The following DOCK1 variants were observed in gnomAD, a reference collection of about 807,000 sequenced individuals.
The protein encoded by DOCK1 is dedicator of cytokinesis 1.
In DOCK1, 138 loss-of-function variants were observed where a neutral mutation model predicts 262.7. The observed-to-expected ratio is 0.53, with a 90% confidence interval of 0.46 to 0.61. The LOEUF (loss-of-function observed/expected upper bound fraction) is 0.61. DOCK1 is among the 20% of genes least tolerant of loss of function. The probability of loss-of-function intolerance (pLI) is 0.00; values close to 1 mark genes in which losing one functional copy is unlikely to be tolerated. For missense variants in DOCK1, 1,908 were observed against 2,370.7 expected, an observed-to-expected ratio of 0.80 and a Z score of 4.05; for synonymous variants, 866 against 867.4, an observed-to-expected ratio of 1.00 and a Z score of 0.03.
At chr10:126,994,851 G>T (rs191663530) in intron 6 of DOCK1, among the ~76,000 whole-genome samples, 252 of 152,328 alleles carry the variant, frequency 1.7e-3, no homozygotes, top group Non-Finnish European at 2.7e-3. Flanking sequence ...CCCAGACGGG[G>T]TGGCCACCAG....
chr10:127,153,835 G>C, intron 27 of DOCK1: 2 of 1,582,986 alleles, frequency 1.3e-6, no homozygotes, highest in Non-Finnish European at 1.7e-6. Flanking sequence ...AGTGGGAAGA[G>C]GAGAATGTTA....
intron 5 of DOCK1, among the ~76,000 whole-genome samples, chr10:126,989,967 G>A (rs1018258201): frequency 6.6e-6 from 1 of 152,152 alleles, no homozygotes; most frequent in Non-Finnish European, 1.5e-5. Context: ...CTTCCCTATA[G>A]CTGAGCTGAG....
intron 28 of DOCK1, among the ~76,000 whole-genome samples, chr10:127,248,905 C>T (rs867694685): frequency 4.6e-5 from 7 of 152,104 alleles, no homozygotes; most frequent in African/African-American, 7.2e-5. Flanking sequence ...AATAAGAGTA[C>T]GAACGCTATT....
rs904417424 is a variant in DOCK1, at chr10:126,998,471, G to A, written c.767+222G>A. On this transcript the variant is annotated intron_variant, in intron 8 of 51. Coordinates refer to ENST00000623213, the MANE Select transcript of DOCK1 (RefSeq NM_001290223.2). ...CTTGCGTGTAGATTGCTATTTGCTC[G>A]TAGAGTTATAGCAGTTGCAGGTACA... is the stretch of plus-strand genomic sequence containing the variant. 4.5e-5 allele frequency: 23 copies of A among 509,384 alleles called. No individual in the cohort carries two copies. In the Middle Eastern group the frequency reaches 2.1e-3, roughly 47 times the overall value. The allele number at this position is 509,384 out of a possible 1,614,324, so 31.6% of individuals were successfully genotyped here. A position where few individuals can be genotyped will look rare whatever the true frequency, so the allele number is the denominator to read the frequency against.
At position 127,023,287 on chromosome 10, in the gene DOCK1, CG is replaced by C; in HGVS notation, c.1417del (p.Val473CysfsTer11). 6.2e-7 allele frequency: 1 copy of C among 1,613,844 alleles called. No homozygotes were observed. Among genetic ancestry groups the C allele is most frequent in the South Asian group, 1.1e-5 (1 of 91,044 alleles). ...ACAACAGCGAAGAACGTGGAGGTCA[CG>C]GTGTCTGTGTACGATGAGGATGGGA... is the stretch of plus-strand genomic sequence containing the variant. ...SKTTAKNVEVTVSVYDEDGKR... is the reference protein window; with the variant it reads ...SKTTAKNVEVXVSVYDEDGKR... On this transcript the variant is annotated frameshift_variant, in exon 14 of 52. Transcript: ENST00000623213. LOFTEE classifies it high-confidence loss of function.
At chr10:126,949,398 A>G (rs986444218) in intron 1 of DOCK1, among the ~76,000 whole-genome samples, 1 of 152,116 alleles carries the variant, frequency 6.6e-6, no homozygotes, top group Non-Finnish European at 1.5e-5. Flanking sequence ...GTGTCCCTTC[A>G]GCCCTGAGCC....
intron 47 of DOCK1, among the ~76,000 whole-genome samples, chr10:127,430,849 G>A (rs1398201232): frequency 1.3e-5 from 2 of 152,200 alleles, no homozygotes; most frequent in African/African-American, 4.8e-5. Context: ...GCTGGCTCAA[G>A]GTGGGACGTT....
chr10:127,052,910 C>G, intron 22 of DOCK1, 95 bp downstream of exon 22: 1 of 1,502,420 alleles, frequency 6.7e-7, no homozygotes, highest in South Asian at 1.3e-5. Flanking sequence ...CTTATTCTTT[C>G]CTTTCTTCTT....
chr10:127,136,064 G>A (rs1487626325), intron 27 of DOCK1: 1 of 152,502 alleles, frequency 6.6e-6, no homozygotes, highest in Admixed American at 6.5e-5. Flanking sequence ...TTGATATTCA[G>A]GGATTCGAAC....
chr10:127,418,411 C>T lies in DOCK1; in HGVS notation c.4562C>T (p.Thr1521Met), dbSNP rs557337834. Residue 1521 changes from threonine to methionine, a missense_variant, in exon 45 of 52, where the codon ACG becomes ATG. Around this residue, in one of 9 missense-constraint regions of DOCK1, gnomAD observed 57 missense variants for 103.1 expected, o/e 0.55. Coordinates refer to ENST00000623213, the MANE Select transcript of DOCK1 (RefSeq NM_001290223.2). Reference sequence around the variant, plus strand: ...AATGCCATTGAGACCATGCAGCTGACGAACGACAAGATCAACAGCATGGTG... The same window carrying T: ...AATGCCATTGAGACCATGCAGCTGATGAACGACAAGATCAACAGCATGGTG... ...LENAIETMQL[T>M]NDKINSMVQQ... The T allele has an allele frequency of 1.1e-5, 17 of 1,613,746 alleles. No individual in the cohort carries two copies. In the African/African-American group the frequency reaches 1.9e-4, roughly 18 times the overall value.
chr10:127,068,405 G>A (rs563145508), intron 23 of DOCK1, among the ~76,000 whole-genome samples: 36 of 152,244 alleles, frequency 2.4e-4, no homozygotes, highest in Middle Eastern at 3.4e-3. Context: ...AGGAAGTCAC[G>A]TTTCACTGAG....
intron 38 of DOCK1, among the ~76,000 whole-genome samples, chr10:127,390,891 A>T (rs1306436364): frequency 1.3e-5 from 2 of 152,186 alleles, no homozygotes; most frequent in Non-Finnish European, 2.9e-5. Flanking sequence ...ACATTCACGG[A>T]TGTGGCTCCT....
intron 20 of DOCK1, 57 bp from the exon 21 acceptor site, chr10:127,043,007 A>C (rs2044121822): frequency 5.9e-6 from 8 of 1,353,504 alleles, no homozygotes; most frequent in Non-Finnish European, 8.3e-6. Context: ...TCTGATGAAG[A>C]TTATAAAATG....
At chr10:127,148,856 G>A (rs184409094) in intron 27 of DOCK1, among the ~76,000 whole-genome samples, 37 of 152,280 alleles carry the variant, frequency 2.4e-4, no homozygotes, top group African/African-American at 8.7e-4. Flanking sequence ...ATGCTGAGAT[G>A]GTTTTAATTA....
chr10:127,172,505 T>G (rs550719587), intron 27 of DOCK1, among the ~76,000 whole-genome samples: 1 of 152,296 alleles, frequency 6.6e-6, no homozygotes, highest in African/African-American at 2.4e-5. Flanking sequence ...TCCTATGTTC[T>G]GACATGGAGA....
At chr10:127,359,503 C>T (rs2064307814) in intron 32 of DOCK1, among the ~76,000 whole-genome samples, 1 of 152,138 alleles carries the variant, frequency 6.6e-6, no homozygotes, top group Non-Finnish European at 1.5e-5. Flanking sequence ...AACATTGGCT[C>T]TGACATTTTT....
intron 1 of DOCK1, among the ~76,000 whole-genome samples, chr10:126,909,777 A>G (rs1392465106): frequency 6.6e-6 from 1 of 152,240 alleles, no homozygotes; most frequent in East Asian, 1.9e-4. Context: ...CGTTTAAGAT[A>G]TGCCAAGTAC....
At chr10:127,192,090 T>C (rs1192373428) in intron 27 of DOCK1, among the ~76,000 whole-genome samples, 1 of 152,226 alleles carries the variant, frequency 6.6e-6, no homozygotes. Flanking sequence ...ACCATTCTAT[T>C]GGATAGAATA....
At chr10:126,953,514 G>C (rs1319920892) in intron 1 of DOCK1, among the ~76,000 whole-genome samples, 1 of 151,816 alleles carries the variant, frequency 6.6e-6, no homozygotes, top group Non-Finnish European at 1.5e-5. Context: ...GGTAATGTTG[G>C]TGGTGGTAGT....
Sources: gnomAD v4.1 joint callset for allele counts (sites outside exome capture counted in the v4.1 genomes callset) on GRCh38, gnomAD v4.1.1 for gene constraint, gnomAD v4.1.1 regional missense constraint, MANE v1.5 for transcripts, NCBI Gene and HGNC (gene_info 2026-07-23, HGNC 2026-07-21) for gene names.